NCOA1: variants seen among roughly 807,000 people sequenced by gnomAD.
The protein encoded by NCOA1 is nuclear receptor coactivator 1, also known as Hin-2 protein.
Under a neutral mutation model 150.9 loss-of-function variants are expected in NCOA1, and 35 were observed. That is an observed-to-expected ratio of 0.23 (90% CI 0.18 to 0.31). The LOEUF is 0.31. Among genes scored for constraint, NCOA1 ranks in the 10% least tolerant of loss-of-function variants. The probability of loss-of-function intolerance (pLI) is 1.00; values close to 1 mark genes in which losing one functional copy is unlikely to be tolerated. For missense variants in NCOA1, 1,491 were observed against 1,749.3 expected, an observed-to-expected ratio of 0.85 and a Z score of 2.63; for synonymous variants, 590 against 630.0, an observed-to-expected ratio of 0.94 and a Z score of 0.95.
chr2:24,522,940 AT>A (rs904204018), intron 1 of NCOA1, among the ~76,000 whole-genome samples: 6 of 152,314 alleles, frequency 3.9e-5, no homozygotes, highest in African/African-American at 1.4e-4. Context: ...TTAAACTATA[AT>A]CAGTGGAAAT....
chr2:24,722,909 GA>G (rs1438234145), intron 14 of NCOA1, among the ~76,000 whole-genome samples: 1 of 139,548 alleles, frequency 7.2e-6, no homozygotes, highest in Non-Finnish European at 1.5e-5. Context: ...AGGATCACTT[GA>G]ACCCAAGGAG....
At chr2:24,646,083 T>C (rs776469072) in intron 4 of NCOA1, among the ~76,000 whole-genome samples, 45 of 152,172 alleles carry the variant, frequency 3.0e-4, no homozygotes, top group Non-Finnish European at 5.0e-4. Flanking sequence ...TGAGTGACTC[T>C]AAGAAAGTCA....
chr2:24,540,488 C>T (rs1213491843), intron 1 of NCOA1, among the ~76,000 whole-genome samples: 7 of 145,358 alleles, frequency 4.8e-5, no homozygotes, highest in East Asian at 4.0e-4. Flanking sequence ...GACGGAGTTT[C>T]GCTTTTGTCA....
At chr2:24,642,833 A>G (rs1670292609) in intron 3 of NCOA1, among the ~76,000 whole-genome samples, 1 of 152,098 alleles carries the variant, frequency 6.6e-6, no homozygotes, top group East Asian at 1.9e-4. Context: ...GATGGATCTC[A>G]AGGGCATTAT....
Position 24,609,748 on chromosome 2 carries a change from ATTCT to A in NCOA1, c.-175+25193_-175+25196del, listed in dbSNP as rs1369938047. On this transcript the variant is annotated intron_variant, in intron 3 of 22. Transcript: ENST00000348332. ...GCCTTTTTTTTTTCTTGGTGAGGAA[ATTCT>A]TTCTGGTAACTTCTTAGACATTTAG... 6.6e-5 allele frequency among the ~76,000 whole-genome samples: 10 copies of A among 151,790 alleles called. No homozygotes were observed. In the East Asian group the frequency reaches 1.3e-3, roughly 20 times the overall value.
At chr2:24,672,420 G>A (rs1282968075) in intron 6 of NCOA1, among the ~76,000 whole-genome samples, 1 of 151,946 alleles carries the variant, frequency 6.6e-6, no homozygotes, top group Non-Finnish European at 1.5e-5. Flanking sequence ...TTTGAGACAT[G>A]GTCTCATCCT....
chr2:24,723,733 T>A (rs1357453593), intron 14 of NCOA1, among the ~76,000 whole-genome samples: 1 of 152,202 alleles, frequency 6.6e-6, no homozygotes, highest in Non-Finnish European at 1.5e-5. Flanking sequence ...ACTGGGTTTT[T>A]ATCCTATTGA....
chr2:24,742,636 T>C (rs1663667676), intron 19 of NCOA1, among the ~76,000 whole-genome samples: 1 of 151,704 alleles, frequency 6.6e-6, no homozygotes. Context: ...TTTGTTTTTT[T>C]TTTTTTGTAG....
At chr2:24,531,181 G>A (rs749674784) in intron 1 of NCOA1, among the ~76,000 whole-genome samples, 2 of 152,156 alleles carry the variant, frequency 1.3e-5, no homozygotes, top group African/African-American at 4.8e-5. Flanking sequence ...ACAGTATGGA[G>A]GTTCCTAAAG....
chr2:24,593,086 A>G (rs1231701519), intron 3 of NCOA1, among the ~76,000 whole-genome samples: 2 of 152,176 alleles, frequency 1.3e-5, no homozygotes, highest in African/African-American at 4.8e-5. Context: ...AACTTGATAC[A>G]GTGGTACCAG....
At chr2:24,599,750 C>T (rs538105273) in intron 3 of NCOA1, among the ~76,000 whole-genome samples, 80 of 138,766 alleles carry the variant, frequency 5.8e-4, no homozygotes, top group Non-Finnish European at 1.0e-3. Flanking sequence ...TTTTTGAGAC[C>T]GAGTCTCACT....
At chr2:24,642,221 C>T (rs1328589638) in intron 3 of NCOA1, among the ~76,000 whole-genome samples, 4 of 151,720 alleles carry the variant, frequency 2.6e-5, no homozygotes, top group Admixed American at 2.6e-4. Flanking sequence ...TTAGAATTTG[C>T]TATTGAAGGA....
At chr2:24,576,594 T>G (rs1232558667) in intron 2 of NCOA1, among the ~76,000 whole-genome samples, 2 of 152,218 alleles carry the variant, frequency 1.3e-5, no homozygotes, top group African/African-American at 2.4e-5. Context: ...TAGTATAAAC[T>G]GGGACAACAA....
At chr2:24,713,062 C>CT (rs1023273222) in intron 14 of NCOA1, among the ~76,000 whole-genome samples, 11 of 151,954 alleles carry the variant, frequency 7.2e-5, no homozygotes, top group African/African-American at 2.4e-4. Context: ...AACCCTGTCT[C>CT]TACCAAAAAT....
At chr2:24,548,762 T>C (rs1407766254) in intron 1 of NCOA1, among the ~76,000 whole-genome samples, 1 of 152,196 alleles carries the variant, frequency 6.6e-6, no homozygotes, top group Admixed American at 6.5e-5. Context: ...AATGATCTCC[T>C]TTGACTCCAT....
chr2:24,683,694 C>T (rs1256459466), intron 8 of NCOA1, among the ~76,000 whole-genome samples: 1 of 152,062 alleles, frequency 6.6e-6, no homozygotes, highest in African/African-American at 2.4e-5. Flanking sequence ...TTTTCTAATT[C>T]TTGTAAAGGC....
At chr2:24,621,547 A>C (rs55861560) in intron 3 of NCOA1, among the ~76,000 whole-genome samples, 19 of 133,080 alleles carry the variant, frequency 1.4e-4, no homozygotes, top group Non-Finnish European at 2.6e-4. Context: ...GCTCACTGCA[A>C]CCTCCACCTC....
chr2:24,766,091 G>A (rs1297669689), intron 22 of NCOA1, among the ~76,000 whole-genome samples: 1 of 151,658 alleles, frequency 6.6e-6, no homozygotes, highest in Non-Finnish European at 1.5e-5. Flanking sequence ...TGTAGAGATG[G>A]GTCTCACTAT....
intron 3 of NCOA1, among the ~76,000 whole-genome samples, chr2:24,588,275 GTC>G (rs1026300864): frequency 7.9e-5 from 12 of 152,160 alleles, no homozygotes; most frequent in African/African-American, 2.9e-4. Context: ...TAGAGGTGGA[GTC>G]TCTGTATGTT....
Sources: allele counts gnomAD v4.1 joint callset (sites outside exome capture counted in the v4.1 genomes callset), GRCh38; gene constraint gnomAD v4.1.1; transcripts MANE v1.5; gene names NCBI Gene and HGNC (gene_info 2026-07-23, HGNC 2026-07-21).